IK: variants seen among roughly 807,000 people sequenced by gnomAD.
IK encodes the protein protein Red.
Under a neutral mutation model 90.9 loss-of-function variants are expected in IK, and 47 were observed. The observed-to-expected ratio is 0.52, with a 90% CI of 0.41 to 0.66. The LOEUF (loss-of-function observed/expected upper bound fraction) is 0.66, where lower values mean the gene tolerates loss of function less well. Ranked by LOEUF, IK falls within the 30% of genes least tolerant of loss-of-function variation. The pLI, the probability that IK is intolerant of heterozygous loss-of-function variation, is 0.00. For missense variants in IK, 385 were observed against 709.3 expected, an observed-to-expected ratio of 0.54 and a Z score of 5.19; for synonymous variants, 201 against 227.5, an observed-to-expected ratio of 0.88 and a Z score of 1.05.
At chr5:140,660,470 G>C (rs899404772) in intron 15 of IK, 2 of 535,674 alleles carry the variant, frequency 3.7e-6, no homozygotes, top group African/African-American at 3.9e-5. Context: ...GCTAGTTTTT[G>C]TATTTTTAGT....
chr5:140,657,587 A>G lies in IK; in HGVS notation c.835A>G (p.Ile279Val). The change falls in exon 10 of 20, where the codon ATT (isoleucine) becomes GTT (valine). Residue 279 changes from isoleucine to valine, a missense_variant. Around this residue, in one of 8 missense-constraint regions of IK, gnomAD observed 33 missense variants for 86.1 expected, o/e 0.38. Transcript: ENST00000417647. ...QTTLTTNDIV[I>V]SKLTQILSYL... ...CACACTGACCACAAATGACATTGTC[A>G]TTAGCAAGCTGACCCAGATCCTTTC... The G allele has an allele frequency of 6.2e-7, 1 of 1,613,428 alleles. No individual in the cohort carries two copies. Among genetic ancestry groups the G allele is most frequent in the Non-Finnish European group, 8.5e-7 (1 of 1,179,732 alleles).
Position 140,653,958 on chromosome 5 carries a change from A to G in IK, c.425A>G (p.Lys142Arg), listed in dbSNP as rs769701308. The G allele has an allele frequency of 6.2e-7, 1 of 1,610,008 alleles. No individual in the cohort carries two copies. Among genetic ancestry groups the G allele is most frequent in the Non-Finnish European group, 8.5e-7 (1 of 1,176,706 alleles). ...TAEADKSAAE[K>R]RRQLIQESKF... is the part of the protein sequence containing the mutation. ...TACAGGGACAAATCAGCTGCAGAGA[A>G]GAGAAGACAGTTGATCCAGGAGTCC... The change falls in exon 6 of 20, where the codon AAG becomes AGG. Residue 142 changes from lysine (K) to arginine (R), a missense_variant. By Grantham distance (26) the Lys-to-Arg change is conservative. Around this residue, in one of 8 missense-constraint regions of IK, gnomAD observed 64 missense variants for 144.6 expected, o/e 0.44. Coordinates refer to ENST00000417647, the MANE Select transcript of IK (RefSeq NM_006083.4).
chr5:140,655,964 G>T lies in IK; in HGVS notation c.773G>T (p.Arg258Leu). The change falls in exon 9 of 20, where the codon CGC (arginine) becomes CTC (leucine). Residue 258 changes from arginine (R) to leucine (L), a missense_variant. Arg to Leu is a moderately radical substitution (Grantham distance 102). Around this residue, in one of 8 missense-constraint regions of IK, gnomAD observed 33 missense variants for 86.1 expected, o/e 0.38. Transcript: ENST00000417647. ...ACAGATATCCCCACCACTCTTATCC[G>T]CAGCAAGGCTGATTGCCCCACCATG... ...ADTDIPTTLIRSKADCPTMEA... is the reference protein window; with the variant it reads ...ADTDIPTTLILSKADCPTMEA... The T allele has an allele frequency of 6.4e-7, 1 of 1,554,288 alleles. No homozygotes were observed. Among genetic ancestry groups the T allele is most frequent in the Non-Finnish European group, 8.7e-7 (1 of 1,148,070 alleles).
intron 1 of IK, 40 bp from the exon 2 acceptor site, chr5:140,648,431 G>C: frequency 1.3e-6 from 2 of 1,596,646 alleles, no homozygotes; most frequent in Non-Finnish European, 1.7e-6. Flanking sequence ...GATCTGACAC[G>C]TAAGAGACTG....
At chr5:140,648,130 CACTCCT>C in intron 1 of IK, 1 of 721,210 alleles carries the variant, frequency 1.4e-6, no homozygotes, top group East Asian at 2.7e-5. Context: ...CCCCAGTCCT[CACTCCT>C]ACTCCAAGTG....
intron 15 of IK, 67 bp from the exon 16 acceptor site, chr5:140,660,691 G>T: frequency 1.6e-6 from 2 of 1,263,876 alleles, no homozygotes; most frequent in Non-Finnish European, 2.3e-6. Context: ...CTCTTAGTCG[G>T]GTAGGTTTCC....
intron 1 of IK, 103 bp from the exon 2 acceptor site, chr5:140,648,368 G>C: frequency 9.9e-7 from 1 of 1,013,196 alleles, no homozygotes; most frequent in Non-Finnish European, 1.6e-6. Context: ...CACTGTCGCT[G>C]TTCTAACTTT....
At position 140,648,269 on chromosome 5, in the gene IK, G is replaced by A. The variant is rs1220038398; in HGVS notation, c.17-202G>A. The A allele has an allele frequency of 4.2e-6, 3 of 708,428 alleles. No individual in the cohort carries two copies. The East Asian group carries it at 8.0e-5, about 19-fold the overall frequency. The allele number at this position is 708,428 out of a possible 1,614,324, so 43.9% of individuals were successfully genotyped here. ...ACGTGATCTTCCGGAAGTCTTCTCT[G>A]ATCCTCCAGCGCAGGATTAGGGTCC... On this transcript the variant is annotated intron_variant, in intron 1 of 19. Coordinates refer to ENST00000417647, the MANE Select transcript of IK (RefSeq NM_006083.4).
At position 140,661,973 on chromosome 5, in the gene IK, C is replaced by A; in HGVS notation, c.1577C>A (p.Ala526Glu). Residue 526 changes from alanine (A) to glutamate (E), a missense_variant, in exon 18 of 20, where the codon GCA becomes GAA. Transcript: ENST00000417647. This position sits in a 1 kb window ranked among gnomAD's most constrained non-coding sequence, Gnocchi z 4.2. ...TRRFKETNDK[A>E]ELDRQWKKIS... The stretch of plus-strand genomic sequence containing the variant: ...CGCTTCAAGGAAACCAATGACAAAG[C>A]AGAGCTTGATCGCCAGTGGAAGAAG... 1 of 1,611,004 alleles carries A rather than the reference C, an allele frequency of 6.2e-7. No individual in the cohort carries two copies. Among genetic ancestry groups the A allele is most frequent in the Non-Finnish European group, 8.5e-7 (1 of 1,178,532 alleles).
chr5:140,654,108 G>C (rs1459201084), intron 6 of IK, 56 bp downstream of exon 6: 1 of 981,102 alleles, frequency 1.0e-6, no homozygotes, highest in Non-Finnish European at 1.6e-6. Flanking sequence ...GCTCTTGTAT[G>C]GGTCTGGCAA....
chr5:140,654,041 C>T lies in IK; in HGVS notation c.508C>T (p.Leu170=). ...TTTGGTGAAAGGCTTGGATTTTGCTCTGCTTCAAAAGGTGAGTCCTGGTGG... is the reference window on the plus strand; with the variant it reads ...TTTGGTGAAAGGCTTGGATTTTGCTTTGCTTCAAAAGGTGAGTCCTGGTGG... ...THLVKGLDFA[L]LQKVRAEIAS... The change falls in exon 6 of 20, where the codon CTG becomes TTG. Residue 170 remains leucine (L), a synonymous_variant. Coordinates refer to ENST00000417647, the MANE Select transcript of IK (RefSeq NM_006083.4). 1.9e-6 allele frequency: 3 copies of T among 1,602,670 alleles called. No homozygotes were observed. The highest frequency in any genetic ancestry group is 2.6e-6 in the Non-Finnish European group (3 of 1,169,700).
At chr5:140,657,242 G>A (rs538236584) in intron 9 of IK, among the ~76,000 whole-genome samples, 1 of 152,230 alleles carries the variant, frequency 6.6e-6, no homozygotes, top group African/African-American at 2.4e-5. Flanking sequence ...TCTCACTACA[G>A]TTTAGAAGCT....
rs1320595623 is a variant in IK at position 140,662,373 on chromosome 5, ACT to A, written c.*45_*46del. ...GATGCTCCACAAGGATATGCTCCCCACTGTTTTCTTTCTACAATTTCCAAAGG... is the reference window on the plus strand; with the variant it reads ...GATGCTCCACAAGGATATGCTCCCCAGTTTTCTTTCTACAATTTCCAAAGG... On this transcript the variant is annotated 3_prime_UTR_variant, in exon 20 of 20. Transcript: ENST00000417647. 30 of 1,602,286 alleles carry A rather than the reference ACT, an allele frequency of 1.9e-5. No homozygotes were observed. The highest frequency in any genetic ancestry group is 1.7e-4 in the African/African-American group (13 of 74,676).
intron 15 of IK, 107 bp from the exon 16 acceptor site, chr5:140,660,651 C>G (rs1757788859): frequency 2.4e-6 from 2 of 819,132 alleles, no homozygotes; most frequent in East Asian, 5.0e-5. Context: ...AGTGGGAGGT[C>G]TAGGGGGTGG....
chr5:140,650,021 C>T (rs1369109341), intron 2 of IK, among the ~76,000 whole-genome samples: 1 of 152,190 alleles, frequency 6.6e-6, no homozygotes, highest in Admixed American at 6.5e-5. Flanking sequence ...CAAGCATTCC[C>T]TCCTTGGCTA....
intron 8 of IK, among the ~76,000 whole-genome samples, chr5:140,655,529 C>T (rs2062800421): frequency 6.6e-6 from 1 of 152,176 alleles, no homozygotes; most frequent in Non-Finnish European, 1.5e-5. Flanking sequence ...GTGCATAGTG[C>T]CCTTGAAGAG....
chr5:140,658,062 C>T (rs976641659), intron 10 of IK, among the ~76,000 whole-genome samples: 8 of 152,110 alleles, frequency 5.3e-5, no homozygotes, highest in South Asian at 2.1e-4. Flanking sequence ...TACAGTGGTG[C>T]GATGTCTGCT....
Position 140,652,128 on chromosome 5 carries a change from C to T in IK, c.217C>T (p.Arg73Ter), listed in dbSNP as rs1250322713. Residue 73 changes from arginine to a stop codon, truncating the protein, a stop_gained, in exon 4 of 20, where the codon CGA becomes TGA. Coordinates refer to ENST00000417647, the MANE Select transcript of IK (RefSeq NM_006083.4). LOFTEE classifies it high-confidence loss of function. The stretch of plus-strand genomic sequence containing the variant: ...CAATGAGGATGAAGACCCAGCTGCA[C>T]GAAGGAGGAAAAAGAAAAGGTGAAG... ...EYNEDEDPAA[R>*]RRKKKSYYAK... 1.8e-5 allele frequency: 29 copies of T among 1,612,866 alleles called. No individual in the cohort carries two copies. Among genetic ancestry groups the T allele is most frequent in the Non-Finnish European group, 2.3e-5 (27 of 1,179,324 alleles).
At chr5:140,660,391 G>A (rs1466533807) in intron 15 of IK, 196 bp downstream of exon 15, 4 of 526,682 alleles carry the variant, frequency 7.6e-6, no homozygotes, top group South Asian at 4.5e-5. Flanking sequence ...TCCATCTCCC[G>A]GGTTCAAGCG....
Sources: gnomAD v4.1 joint callset for allele counts (sites outside exome capture counted in the v4.1 genomes callset) on GRCh38, gnomAD v4.1.1 for gene constraint, gnomAD v4.1.1 regional missense constraint, Gnocchi (gnomAD v3.1) non-coding constraint, MANE v1.5 for transcripts, NCBI Gene and HGNC (gene_info 2026-07-23, HGNC 2026-07-21) for gene names.